The following STK33 variants were observed in gnomAD, a reference collection of about 807,000 sequenced individuals.
STK33 encodes the protein serine/threonine kinase 33.
STK33 carries 52 observed loss-of-function variants against 58.0 expected under a neutral mutation model. The observed-to-expected ratio is 0.90, with a 90% CI of 0.72 to 1.13. The LOEUF (loss-of-function observed/expected upper bound fraction) is 1.13, where lower values mean the gene tolerates loss of function less well. Among genes scored for constraint, STK33 ranks in the 50% most tolerant of loss-of-function variants. STK33 has a pLI of 0.00. For synonymous variants in STK33, 215 were observed against 200.1 expected, an observed-to-expected ratio of 1.07 and a Z score of -0.63; for missense variants, 630 against 604.2, an observed-to-expected ratio of 1.04 and a Z score of -0.45.
chr11:8,576,164 G>C (rs1001394282), intron 1 of STK33, among the ~76,000 whole-genome samples: 3 of 152,164 alleles, frequency 2.0e-5, no homozygotes, highest in African/African-American at 7.2e-5. Flanking sequence ...ACTGAATGGG[G>C]AGTTGAAAAC....
At chr11:8,497,682 G>A (rs910549272) in intron 1 of STK33, among the ~76,000 whole-genome samples, 3 of 152,070 alleles carry the variant, frequency 2.0e-5, no homozygotes, top group African/African-American at 2.4e-5. Context: ...GGCTGGTCTC[G>A]AACTCCTGGG....
chr11:8,487,296 C>A (rs1051405801), intron 1 of STK33, among the ~76,000 whole-genome samples: 1 of 151,752 alleles, frequency 6.6e-6, no homozygotes, highest in Non-Finnish European at 1.5e-5. Flanking sequence ...TGGTGACACA[C>A]CTGTAGTCCC....
intron 1 of STK33, among the ~76,000 whole-genome samples, chr11:8,563,664 T>C (rs552395682): frequency 2.4e-4 from 36 of 152,280 alleles, no homozygotes; most frequent in African/African-American, 8.4e-4. Context: ...CCCCCAGTTC[T>C]TACATAATAC....
chr11:8,565,955 T>C (rs1011853040), intron 1 of STK33: 1 of 152,244 alleles, frequency 6.6e-6, no homozygotes, highest in Non-Finnish European at 1.5e-5. Context: ...TTGCCATTCA[T>C]TTCCAGTGTG....
intron 1 of STK33, among the ~76,000 whole-genome samples, chr11:8,536,972 A>C (rs868608844): frequency 6.1e-5 from 4 of 65,732 alleles, no homozygotes; most frequent in East Asian, 1.2e-3. Context: ...AAAAAAAAAG[A>C]TTTTTTTTTT....
At chr11:8,413,463 C>T in intron 15 of STK33, 32 bp downstream of exon 15, 3 of 1,611,082 alleles carry the variant, frequency 1.9e-6, no homozygotes, top group Non-Finnish European at 2.5e-6. Context: ...GTATTTTACA[C>T]TTGGGAGAAA....
intron 1 of STK33, among the ~76,000 whole-genome samples, chr11:8,516,002 C>T (rs1302698348): frequency 3.3e-5 from 5 of 152,186 alleles, no homozygotes; most frequent in Non-Finnish European, 7.3e-5. Flanking sequence ...AAGCAATCTA[C>T]AGATTAAACG....
At chr11:8,370,445 G>C in the STK33 span, among the ~76,000 whole-genome samples, 2 of 152,054 alleles carry the variant, frequency 1.3e-5, no homozygotes, top group African/African-American at 4.8e-5. Flanking sequence ...TGATCATCTT[G>C]CCTTGCCTCC....
intron 1 of STK33, among the ~76,000 whole-genome samples, chr11:8,512,913 C>T (rs949216711): frequency 1.3e-5 from 2 of 152,134 alleles, no homozygotes; most frequent in Admixed American, 6.5e-5. Flanking sequence ...GCATATTTAG[C>T]GCCCCTAGGT....
chr11:8,535,170 T>A (rs1385304872), intron 1 of STK33, among the ~76,000 whole-genome samples: 1 of 152,224 alleles, frequency 6.6e-6, no homozygotes, highest in African/African-American at 2.4e-5. Flanking sequence ...CGATTTTTTC[T>A]AAGCCTCAGT....
chr11:8,523,765 G>C (rs570328575), intron 1 of STK33, among the ~76,000 whole-genome samples: 41 of 137,180 alleles, frequency 3.0e-4, no homozygotes, highest in East Asian at 2.3e-4. Context: ...CCCGGCCGCC[G>C]CGTCTGGGAA....
chr11:8,349,368 TACC>T, the STK33 span, among the ~76,000 whole-genome samples: 1 of 152,216 alleles, frequency 6.6e-6, no homozygotes, highest in Non-Finnish European at 1.5e-5. Flanking sequence ...TTTATCCCAG[TACC>T]CAGGCCTGCC....
At chr11:8,577,746 T>C (rs950028594) in intron 1 of STK33, among the ~76,000 whole-genome samples, 1 of 152,104 alleles carries the variant, frequency 6.6e-6, no homozygotes, top group Non-Finnish European at 1.5e-5. Flanking sequence ...CTCTATCCTA[T>C]CTTACTGCTC....
chr11:8,526,371 A>G (rs1954022978), intron 1 of STK33, among the ~76,000 whole-genome samples: 1 of 152,108 alleles, frequency 6.6e-6, no homozygotes. Context: ...CAGCCTGGGC[A>G]ACAGAGGGAA....
At chr11:8,361,086 T>A in the STK33 span, among the ~76,000 whole-genome samples, 1 of 152,144 alleles carries the variant, frequency 6.6e-6, no homozygotes, top group Non-Finnish European at 1.5e-5. The surrounding 1 kb of genome is among the most constrained non-coding windows in gnomAD (Gnocchi z 4.8). Flanking sequence ...TGGGAAAATG[T>A]ATACCTCAAG....
chr11:8,503,677 CTA>C (rs1332333806), intron 1 of STK33, among the ~76,000 whole-genome samples: 1 of 152,230 alleles, frequency 6.6e-6, no homozygotes, highest in Non-Finnish European at 1.5e-5. Flanking sequence ...CTCAAAGGAT[CTA>C]TGTCTTTGAC....
At chr11:8,399,811 C>T (rs1279164853) in intron 15 of STK33, among the ~76,000 whole-genome samples, 1 of 152,210 alleles carries the variant, frequency 6.6e-6, no homozygotes, top group African/African-American at 2.4e-5. Flanking sequence ...CACAGAAATA[C>T]AAACTACCAT....
At chr11:8,427,461 G>T (rs771188391) in intron 14 of STK33, among the ~76,000 whole-genome samples, 29 of 151,316 alleles carry the variant, frequency 1.9e-4, no homozygotes, top group African/African-American at 7.0e-4. Context: ...TCTCTTATTG[G>T]GTAGTCTATC....
At chr11:8,363,760 C>T in the STK33 span, among the ~76,000 whole-genome samples, 1 of 152,074 alleles carries the variant, frequency 6.6e-6, no homozygotes, top group African/African-American at 2.4e-5. Context: ...TTTGTCAAAA[C>T]GTTAAAAACG....
Sources: gnomAD v4.1 joint callset for allele counts (sites outside exome capture counted in the v4.1 genomes callset) on GRCh38, gnomAD v4.1.1 for gene constraint, Gnocchi (gnomAD v3.1) non-coding constraint, MANE v1.5 for transcripts, NCBI Gene and HGNC (gene_info 2026-07-23, HGNC 2026-07-21) for gene names.